MTFR1L: variants seen among roughly 807,000 people sequenced by gnomAD.
The protein encoded by MTFR1L is mitochondrial fission regulator 1 like.
A neutral mutation model predicts 27.9 loss-of-function variants in MTFR1L; 10 were observed. That is an observed-to-expected ratio of 0.36 (90% CI 0.22 to 0.61). The LOEUF is 0.61. MTFR1L is among the 20% of genes least tolerant of loss of function. The pLI, the probability that MTFR1L is intolerant of heterozygous loss-of-function variation, is 0.73. For missense variants in MTFR1L, 315 were observed against 363.7 expected (o/e 0.87, Z 1.09); for synonymous variants, 151 against 139.4 (o/e 1.08, Z -0.58).
rs201685445 is a variant in MTFR1L at position 25,826,299 on chromosome 1, T to C, written c.130-3T>C. On this transcript the variant is annotated splice_region_variant and splice_polypyrimidine_tract_variant and intron_variant, in intron 3 of 6. Transcript: ENST00000374303. The surrounding 1 kb of genome is among the most constrained non-coding windows in gnomAD (Gnocchi z 4.1). ...AATGTTGATGACTTTTGCTTCTCCA[T>C]AGACCCTGCCCAACATCTCTGACCT... is the stretch of plus-strand genomic sequence containing the variant. 1.9e-6 allele frequency: 3 copies of C among 1,614,020 alleles called. No individual in the cohort carries two copies. Among genetic ancestry groups the C allele is most frequent in the Non-Finnish European group, 2.5e-6 (3 of 1,179,892 alleles).
intron 1 of MTFR1L, chr1:25,820,484 G>A: frequency 2.7e-6 from 1 of 369,016 alleles, no homozygotes; most frequent in South Asian, 2.0e-5. Flanking sequence ...GGTCCGCGCG[G>A]GTCTCCGGCC....
chr1:25,823,429 A>G (rs955946766), intron 2 of MTFR1L: 26 of 765,742 alleles, frequency 3.4e-5, no homozygotes, highest in Non-Finnish European at 5.9e-5. Flanking sequence ...TGACTGCCTT[A>G]GCAGCAGCAG....
intron 1 of MTFR1L, chr1:25,822,681 C>G (rs1161290332): frequency 8.4e-6 from 3 of 357,900 alleles, no homozygotes; most frequent in African/African-American, 6.8e-5. Context: ...TGCCCGCCAC[C>G]ACACCTGGCT....
At chr1:25,820,988 G>A (rs1007449935) in intron 1 of MTFR1L, 14 of 293,994 alleles carry the variant, frequency 4.8e-5, no homozygotes, top group African/African-American at 3.3e-4. Context: ...GCTGGTGTTT[G>A]ATGCAGGGCT....
At chr1:25,828,599 C>T (rs753395272) in intron 5 of MTFR1L, among the ~76,000 whole-genome samples, 2 of 151,878 alleles carry the variant, frequency 1.3e-5, no homozygotes, top group Non-Finnish European at 2.9e-5. Flanking sequence ...ATTATGCAAA[C>T]AAGCCCTGTA....
In MTFR1L at chr1:25,823,121, C is replaced by T. The variant is rs929690196; in HGVS notation, c.17C>T (p.Ala6Val). The change falls in exon 2 of 7, where the codon GCC becomes GTC. Residue 6 changes from alanine to valine, a missense_variant. Ala to Val is a moderately conservative substitution (Grantham distance 64). Transcript: ENST00000374303. MSGME[A>V]TVTIPIWQNK... ...CTGGTTCAAATGTCAGGAATGGAAG[C>T]CACTGTGGTAAGGGGCATTCCCAGG... The T allele has an allele frequency of 6.2e-7, 1 of 1,614,116 alleles. No homozygotes were observed. The highest frequency in any genetic ancestry group is 8.5e-7 in the Non-Finnish European group (1 of 1,179,998).
chr1:25,823,113 A>G lies in MTFR1L; in HGVS notation c.9A>G (p.Gly3=). The G allele has an allele frequency of 1.9e-6, 3 of 1,614,190 alleles. No homozygotes were observed. Among genetic ancestry groups the G allele is most frequent in the Non-Finnish European group, 2.5e-6 (3 of 1,180,024 alleles). Reference sequence around the variant, plus strand: ...TGCAGGAGCTGGTTCAAATGTCAGGAATGGAAGCCACTGTGGTAAGGGGCA... The same window carrying G: ...TGCAGGAGCTGGTTCAAATGTCAGGGATGGAAGCCACTGTGGTAAGGGGCA... MS[G]MEATVTIPIW... is the part of the protein sequence containing the mutation. Residue 3 remains glycine, a synonymous_variant, in exon 2 of 7, where the codon GGA becomes GGG. Coordinates refer to ENST00000374303, the MANE Select transcript of MTFR1L (RefSeq NM_001099625.2).
intron 5 of MTFR1L, among the ~76,000 whole-genome samples, chr1:25,827,523 C>A (rs560204318): frequency 6.6e-6 from 1 of 151,738 alleles, no homozygotes; most frequent in East Asian, 1.9e-4. Flanking sequence ...TCACTGCAAC[C>A]TCTGCCTCCC....
intron 5 of MTFR1L, among the ~76,000 whole-genome samples, chr1:25,828,444 A>G (rs7521029): frequency 0.81 from 123,407 of 152,130 alleles, 50,261 homozygotes; most frequent in East Asian, 0.98. Flanking sequence ...TTAGCTGGGC[A>G]TCGCAGCATG....
In MTFR1L at chr1:25,832,027, C is replaced by T. The variant is rs1178013126; in HGVS notation, c.*1C>T. 1 of 1,614,152 alleles carries T rather than the reference C, an allele frequency of 6.2e-7. No individual in the cohort carries two copies. The highest frequency in any genetic ancestry group is 2.2e-5 in the East Asian group (1 of 44,882). On this transcript the variant is annotated 3_prime_UTR_variant, in exon 7 of 7. Coordinates refer to ENST00000374303, the MANE Select transcript of MTFR1L (RefSeq NM_001099625.2). The stretch of plus-strand genomic sequence containing the variant: ...AGATATCAGTAGAAAAGGAAATTGA[C>T]AACCCTCAGCTCTGCAAACTCAGTC...
intron 1 of MTFR1L, chr1:25,822,730 G>A (rs938542389): frequency 5.7e-5 from 29 of 509,128 alleles, no homozygotes; most frequent in Non-Finnish European, 9.6e-5. Flanking sequence ...GCTTCACTGT[G>A]TTAGCCAGGA....
chr1:25,829,515 CTTCA>C lies in MTFR1L; in HGVS notation c.461_464del (p.Ser154Ter). On this transcript the variant is annotated frameshift_variant, in exon 6 of 7. Coordinates refer to ENST00000374303, the MANE Select transcript of MTFR1L (RefSeq NM_001099625.2). LOFTEE classifies it high-confidence loss of function. Reference sequence around the variant, plus strand: ...CTATTGTTTTCTCTTTCAGCTTCGGCTTCATTAACGCCAGATTTCTTATCTCCAG... The same window carrying C: ...CTATTGTTTTCTCTTTCAGCTTCGGCTTAACGCCAGATTTCTTATCTCCAG... 1 of 1,612,716 alleles carries C rather than the reference CTTCA, an allele frequency of 6.2e-7. No homozygotes were observed.
intron 3 of MTFR1L, among the ~76,000 whole-genome samples, chr1:25,824,678 G>A (rs567537690): frequency 6.6e-6 from 1 of 152,176 alleles, no homozygotes; most frequent in East Asian, 1.9e-4. Flanking sequence ...GGGGTAGGGG[G>A]CAGGAAAAGC....
In MTFR1L at chr1:25,826,862, G is replaced by A. The variant is rs748523449; in HGVS notation, c.451+36G>A. The stretch of plus-strand genomic sequence containing the variant: ...CTGTGCCAGGGCCAGAACGTAACAG[G>A]CTGTTCCTTTCCCCTGGCTCTTGGG... On this transcript the variant is annotated intron_variant, in intron 5 of 6. Transcript: ENST00000374303. The surrounding 1 kb of genome is among the most constrained non-coding windows in gnomAD (Gnocchi z 4.1). The A allele has an allele frequency of 4.1e-5, 66 of 1,604,206 alleles. No homozygotes were observed. The highest frequency in any genetic ancestry group is 4.9e-5 in the Non-Finnish European group (57 of 1,174,532).
chr1:25,822,034 G>A (rs973001396), intron 1 of MTFR1L: 1 of 152,258 alleles, frequency 6.6e-6, no homozygotes, highest in Non-Finnish European at 1.5e-5. Flanking sequence ...TGCAAGGACT[G>A]CTGTGAAGAG....
rs143966099 is a variant in MTFR1L at position 25,828,016 on chromosome 1, C to T, written c.451+1190C>T. Among the ~76,000 whole-genome samples the T allele has an allele frequency of 6.8e-3, 1,034 of 152,294 alleles. 11 individuals carry two copies. The highest frequency in any genetic ancestry group is 0.023 in the African/African-American group (951 of 41,568). The stretch of plus-strand genomic sequence containing the variant: ...CTAGGATTACAACCATGAGCCACCG[C>T]GCCCTGCTTTCCTTTTCAATACAAG... On this transcript the variant is annotated intron_variant, in intron 5 of 6. Transcript: ENST00000374303.
chr1:25,823,153 G>A (rs758851082), intron 2 of MTFR1L, 25 bp downstream of exon 2: 2 of 1,609,598 alleles, frequency 1.2e-6, no homozygotes, highest in Non-Finnish European at 1.7e-6. Context: ...CAGGGCAGGG[G>A]TATGGTGGGG....
intron 1 of MTFR1L, chr1:25,820,450 C>T: frequency 2.5e-6 from 1 of 392,338 alleles, no homozygotes; most frequent in Non-Finnish European, 4.9e-6. Context: ...GGCGACTCGC[C>T]CTGGCGGGTC....
chr1:25,827,429 C>T (rs920241230), intron 5 of MTFR1L, among the ~76,000 whole-genome samples: 1 of 151,820 alleles, frequency 6.6e-6, no homozygotes, highest in Admixed American at 6.6e-5. Flanking sequence ...AGCCACCGAG[C>T]CCAGCCAGTT....
Sources: gnomAD v4.1 joint callset for allele counts (sites outside exome capture counted in the v4.1 genomes callset) on GRCh38, gnomAD v4.1.1 for gene constraint, Gnocchi (gnomAD v3.1) non-coding constraint, MANE v1.5 for transcripts, NCBI Gene and HGNC (gene_info 2026-07-23, HGNC 2026-07-21) for gene names.